The following INSC variants were observed in gnomAD, a reference collection of about 807,000 sequenced individuals.
The protein encoded by INSC is protein inscuteable homolog.
INSC carries 67 observed loss-of-function variants against 58.6 expected under a neutral mutation model. The ratio of observed to expected loss-of-function variants is 1.14; its 90% CI spans 0.94 to 1.40. The LOEUF is 1.40. Among genes scored for constraint, INSC ranks in the 40% most tolerant of loss-of-function variants. The pLI is 0.00. For missense variants in INSC, 714 were observed against 692.0 expected (o/e 1.03, Z -0.36); for synonymous variants, 262 against 276.1 (o/e 0.95, Z 0.51).
intron 2 of INSC, among the ~76,000 whole-genome samples, chr11:15,157,547 C>A (rs1848857108): frequency 6.6e-6 from 1 of 152,190 alleles, no homozygotes; most frequent in Non-Finnish European, 1.5e-5. Flanking sequence ...ACAGCCAGAA[C>A]TGCTCTGTGT....
At chr11:15,189,593 A>C (rs1850091998) in intron 5 of INSC, among the ~76,000 whole-genome samples, 1 of 152,174 alleles carries the variant, frequency 6.6e-6, no homozygotes, top group Non-Finnish European at 1.5e-5. Flanking sequence ...AGGTGCTCCA[A>C]GTGTTGCTCT....
intron 1 of INSC, among the ~76,000 whole-genome samples, chr11:15,124,095 C>T (rs1226146400): frequency 1.3e-5 from 2 of 152,238 alleles, no homozygotes; most frequent in African/African-American, 4.8e-5. Flanking sequence ...CACCCACACA[C>T]CCATCTGTCA....
chr11:15,139,271 T>C (rs1848315487), intron 1 of INSC, among the ~76,000 whole-genome samples: 2 of 152,218 alleles, frequency 1.3e-5, no homozygotes, highest in South Asian at 4.1e-4. Flanking sequence ...CTGAGAGTTA[T>C]GTCTATTCGT....
chr11:15,207,981 G>GC (rs1391733611), intron 7 of INSC, among the ~76,000 whole-genome samples: 12 of 152,084 alleles, frequency 7.9e-5, no homozygotes, highest in Admixed American at 2.0e-4. Flanking sequence ...TCCTAAGTGT[G>GC]CCCCCTGGTC....
chr11:15,137,125 T>C (rs1274945308), intron 1 of INSC, among the ~76,000 whole-genome samples: 1 of 152,164 alleles, frequency 6.6e-6, no homozygotes, highest in Non-Finnish European at 1.5e-5. Flanking sequence ...AGCAATAATA[T>C]TTTGAAAGGA....
upstream of INSC, among the ~76,000 whole-genome samples, chr11:15,111,969 C>G (rs911388275): frequency 2.0e-5 from 3 of 152,128 alleles, no homozygotes; most frequent in Admixed American, 6.5e-5. Context: ...CTATGAAGTT[C>G]TCGTATATGC....
At chr11:15,241,924 G>A (rs533302457) in intron 12 of INSC, among the ~76,000 whole-genome samples, 98 of 152,180 alleles carry the variant, frequency 6.4e-4, no homozygotes, top group African/African-American at 2.3e-3. Context: ...CAACTTTCAC[G>A]GGCTGTGAAA....
intron 1 of INSC, 66 bp downstream of exon 1, chr11:15,115,069 A>G (rs1847659658): frequency 3.2e-6 from 3 of 951,134 alleles, no homozygotes; most frequent in Non-Finnish European, 3.8e-6. Flanking sequence ...CTAGTTGGGA[A>G]CAGTGCAGGT....
intron 7 of INSC, among the ~76,000 whole-genome samples, chr11:15,209,036 T>C (rs1463004752): frequency 6.6e-6 from 1 of 151,910 alleles, no homozygotes; most frequent in Non-Finnish European, 1.5e-5. Context: ...CATTCCAACA[T>C]GTATCTAACT....
At chr11:15,221,730 C>T (rs1008141624) in intron 8 of INSC, 82 bp downstream of exon 8, 1 of 1,314,788 alleles carries the variant, frequency 7.6e-7, no homozygotes, top group Non-Finnish European at 1.0e-6. Context: ...AAGGCCTTCC[C>T]ATCTGCCACT....
At chr11:15,114,605 G>A (rs1847645850), upstream of INSC, among the ~76,000 whole-genome samples, 1 of 152,178 alleles carries the variant, frequency 6.6e-6, no homozygotes, top group Admixed American at 6.5e-5. Flanking sequence ...GCTCCCGGGC[G>A]ATCACCCTGG....
chr11:15,164,872 C>G (rs1714342), intron 2 of INSC, among the ~76,000 whole-genome samples: 1 of 152,086 alleles, frequency 6.6e-6, no homozygotes, highest in Admixed American at 6.5e-5. Context: ...ATAAGTCTCA[C>G]GAGATCTGAT....
At chr11:15,251,081 G>C (rs540262418), downstream of INSC, among the ~76,000 whole-genome samples, 12 of 152,272 alleles carry the variant, frequency 7.9e-5, no homozygotes, top group African/African-American at 2.9e-4. Flanking sequence ...CCCAGCTCCA[G>C]GGTATTCTTA....
chr11:15,256,935 C>T, the INSC span, among the ~76,000 whole-genome samples: 2 of 152,158 alleles, frequency 1.3e-5, no homozygotes, highest in Non-Finnish European at 2.9e-5. Flanking sequence ...AATGTCTATC[C>T]CTTGAGCTTG....
At chr11:15,233,611 C>A (rs1243555556) in intron 9 of INSC, among the ~76,000 whole-genome samples, 2 of 152,202 alleles carry the variant, frequency 1.3e-5, no homozygotes, top group Non-Finnish European at 1.5e-5. Context: ...CAAAGACCTA[C>A]GTGGTGCCTG....
chr11:15,214,886 C>T (rs1195090282), intron 7 of INSC, among the ~76,000 whole-genome samples: 2 of 152,316 alleles, frequency 1.3e-5, no homozygotes, highest in South Asian at 2.1e-4. Flanking sequence ...AGATCTCTTG[C>T]CCTTCTGCCT....
intron 1 of INSC, among the ~76,000 whole-genome samples, chr11:15,121,906 C>G (rs1331177601): frequency 1.3e-5 from 2 of 152,090 alleles, no homozygotes; most frequent in Admixed American, 6.6e-5. Context: ...TGATGCATCT[C>G]CATGATTCTC....
intron 9 of INSC, among the ~76,000 whole-genome samples, chr11:15,229,041 G>T (rs1004283729): frequency 6.6e-6 from 1 of 152,158 alleles, no homozygotes; most frequent in African/African-American, 2.4e-5. Context: ...TCCAGCTACA[G>T]ATCTGACAGG....
Position 15,246,629 on chromosome 11 carries a change from C to T in INSC, c.*589C>T, listed in dbSNP as rs1372308437. 1 of 152,592 alleles carries T rather than the reference C, an allele frequency of 6.6e-6. No homozygotes were observed. Among genetic ancestry groups the T allele is most frequent in the Non-Finnish European group, 1.5e-5 (1 of 68,072 alleles). 9.5% of individuals were successfully genotyped at this position (152,592 alleles called of 1,614,324 possible). A position where few individuals can be genotyped will look rare whatever the true frequency, so the allele number is the denominator to read the frequency against. On this transcript the variant is annotated 3_prime_UTR_variant, in exon 13 of 13. Transcript: ENST00000379556. ...CCATTAAAAGTACACACAGAATTGT[C>T]TTGTTTTCATAGGTGTATAAATAGG...
Sources: gnomAD v4.1 joint callset for allele counts (sites outside exome capture counted in the v4.1 genomes callset) on GRCh38, gnomAD v4.1.1 for gene constraint, MANE v1.5 for transcripts, NCBI Gene and HGNC (gene_info 2026-07-23, HGNC 2026-07-21) for gene names.